The following F7 variants were observed in gnomAD, a reference collection of about 807,000 sequenced individuals.
F7 encodes FVII coagulation protein.
A neutral mutation model predicts 47.5 loss-of-function variants in F7; 38 were observed. The observed-to-expected ratio is 0.80, with a 90% CI of 0.62 to 1.05. F7 has a LOEUF of 1.05. Among genes scored for constraint, F7 ranks in the 50% least tolerant of loss-of-function variants. The pLI, the probability that F7 is intolerant of heterozygous loss-of-function variation, is 0.00. For missense variants in F7, 575 were observed against 605.4 expected (o/e 0.95, Z 0.53); for synonymous variants, 244 against 258.5 (o/e 0.94, Z 0.54).
chr13:113,119,634 C>A lies in F7; in HGVS notation c.*626C>A, dbSNP rs1205235473. 1 of 163,876 alleles carries A rather than the reference C, an allele frequency of 6.1e-6. No individual in the cohort carries two copies. The highest frequency in any genetic ancestry group is 5.9e-5 in the Admixed American group (1 of 16,978). The allele number at this position is 163,876 out of a possible 1,614,324, so 10.2% of individuals were successfully genotyped here. A position where few individuals can be genotyped will look rare whatever the true frequency, so the allele number is the denominator to read the frequency against. ...GCACGCACATGCCAATGCACGCACA[C>A]ATCAGTGCACACGGATGCACAGAGA... On this transcript the variant is annotated 3_prime_UTR_variant, in exon 8 of 8. Transcript: ENST00000346342.
intron 4 of F7, 80 bp from the exon 5 acceptor site, chr13:113,115,580 C>A: frequency 6.5e-7 from 1 of 1,528,610 alleles, no homozygotes. Context: ...CCACTGCTGA[C>A]CCAGGGCATG....
At chr13:113,107,909 A>G (rs1468719228) in intron 1 of F7, among the ~76,000 whole-genome samples, 20 of 20,932 alleles carry the variant, frequency 9.6e-4, no homozygotes, top group East Asian at 2.3e-3. Context: ...CAGAAGTGTG[A>G]GTGTCCCAGG....
intron 5 of F7, among the ~76,000 whole-genome samples, chr13:113,116,017 C>T (rs1237062786): frequency 6.6e-6 from 1 of 152,254 alleles, no homozygotes; most frequent in Non-Finnish European, 1.5e-5. Flanking sequence ...TGAATGGCCT[C>T]AGGCCCCCTG....
At chr13:113,118,024 A>G (rs905622064) in intron 7 of F7, among the ~76,000 whole-genome samples, 5 of 152,222 alleles carry the variant, frequency 3.3e-5, no homozygotes, top group Admixed American at 6.5e-5. Context: ...AGAGGATGCG[A>G]CACCCAGGGC....
chr13:113,117,912 T>C (rs1214212009), intron 7 of F7, among the ~76,000 whole-genome samples: 1 of 152,258 alleles, frequency 6.6e-6, no homozygotes, highest in Non-Finnish European at 1.5e-5. Context: ...TGGGCACGAC[T>C]GCTGTGGCCA....
At chr13:113,110,531 C>T in intron 1 of F7, 159 bp from the exon 2 acceptor site, 1 of 935,068 alleles carries the variant, frequency 1.1e-6, no homozygotes, top group Non-Finnish European at 1.6e-6. Flanking sequence ...CCCGGGAGCA[C>T]GGCAGGGAGG....
chr13:113,105,979 C>A, intron 1 of F7, 74 bp downstream of exon 1: 1 of 1,380,114 alleles, frequency 7.2e-7, no homozygotes, highest in Non-Finnish European at 9.9e-7. Context: ...GCCCGGGCTT[C>A]CCAAACCCCG....
At chr13:113,115,900 A>G in intron 5 of F7, 100 bp downstream of exon 5, 3 of 1,513,748 alleles carry the variant, frequency 2.0e-6, no homozygotes, top group Non-Finnish European at 1.8e-6. Flanking sequence ...CTTCACATCT[A>G]CTGAGCACTA....
intron 1 of F7, chr13:113,110,412 G>A (rs2036067491): frequency 1.7e-5 from 7 of 405,072 alleles, no homozygotes; most frequent in East Asian, 9.8e-5. Context: ...GGCGGCGCCC[G>A]CAGCCCCCTT....
intron 1 of F7, 99 bp from the exon 2 acceptor site, chr13:113,110,591 C>T: frequency 1.3e-6 from 2 of 1,496,018 alleles, no homozygotes; most frequent in Non-Finnish European, 1.8e-6. Context: ...CCAGGACGGG[C>T]GGGAACCTGC....
At chr13:113,117,065 A>G (rs530052669) in intron 6 of F7, 190 bp downstream of exon 6, 54 of 695,706 alleles carry the variant, frequency 7.8e-5, no homozygotes, top group Admixed American at 7.7e-4. Flanking sequence ...AGAAAAGAAA[A>G]CGACACTCAC....
At chr13:113,118,227 C>G (rs1405759391) in intron 7 of F7, among the ~76,000 whole-genome samples, 186 bp from the exon 8 acceptor site, 3 of 152,224 alleles carry the variant, frequency 2.0e-5, no homozygotes, top group African/African-American at 7.2e-5. Context: ...TCACTTGTCC[C>G]CACACGAGCC....
rs1307578482 is a variant in F7, at chr13:113,119,160, G to C, written c.*152G>C. 1.5e-6 allele frequency: 1 copy of C among 669,300 alleles called. No homozygotes were observed. Among genetic ancestry groups the C allele is most frequent in the Non-Finnish European group, 2.5e-6 (1 of 393,580 alleles). 41.5% of individuals were successfully genotyped at this position (669,300 alleles called of 1,614,324 possible). ...GGAGACAGAGACAGAAACAGAGAGA[G>C]ACAGAGACAGAGAGAGACTGAGGGA... On this transcript the variant is annotated 3_prime_UTR_variant, in exon 8 of 8. Coordinates refer to ENST00000346342, the MANE Select transcript of F7 (RefSeq NM_019616.4).
intron 1 of F7, among the ~76,000 whole-genome samples, chr13:113,110,135 C>G (rs1045267301): frequency 1.3e-5 from 2 of 152,058 alleles, no homozygotes; most frequent in Admixed American, 6.5e-5. Context: ...GGCAGAAGCC[C>G]AGGACCGCCA....
At chr13:113,112,996 A>G (rs2036132326) in intron 2 of F7, among the ~76,000 whole-genome samples, 1 of 151,328 alleles carries the variant, frequency 6.6e-6, no homozygotes, top group African/African-American at 2.4e-5. Flanking sequence ...CACACCTCAC[A>G]CAGATCATCT....
intron 1 of F7, 173 bp from the exon 2 acceptor site, chr13:113,110,517 C>A: frequency 1.2e-6 from 1 of 819,590 alleles, no homozygotes. Context: ...ACGGGGGTGG[C>A]TGACCCGGGA....
At position 113,113,392 on chromosome 13, in the gene F7, T is replaced by A. The variant is rs9604025; in HGVS notation, c.226-360T>A. Among the ~76,000 whole-genome samples the A allele has an allele frequency of 0.029, 4,361 of 152,350 alleles. 212 individuals are homozygous for A. The highest frequency in any genetic ancestry group is 0.099 in the African/African-American group (4,105 of 41,582). On this transcript the variant is annotated intron_variant, in intron 2 of 7. Transcript: ENST00000346342. This position sits in a 1 kb window ranked among gnomAD's most constrained non-coding sequence, Gnocchi z 4.1. ...TTTGCTGTTTGTGGAATATTTTGCA[T>A]CTGCTACTGCACCCTCTCCCCGTAT...
chr13:113,115,894 A>G (rs1014785039), intron 5 of F7, 94 bp downstream of exon 5: 7 of 1,541,510 alleles, frequency 4.5e-6, no homozygotes, highest in Admixed American at 3.4e-5. Context: ...GAGTGGCTTC[A>G]CATCTACTGA....
In F7 at chr13:113,117,407, G is replaced by C. The variant is rs544366771; in HGVS notation, c.616-66G>C. On this transcript the variant is annotated intron_variant, in intron 6 of 7. Transcript: ENST00000346342. Reference sequence around the variant, plus strand: ...GCCAGAGGTTCCTTGGCATGCCCGGGAGGGCGAGTCATCAGAGAAACAATG... The same window carrying C: ...GCCAGAGGTTCCTTGGCATGCCCGGCAGGGCGAGTCATCAGAGAAACAATG... The C allele has an allele frequency of 4.1e-5, 66 of 1,603,858 alleles. No homozygotes were observed. The East Asian group carries it at 9.6e-4, about 23-fold the overall frequency.
Sources: gnomAD v4.1 joint callset for allele counts (sites outside exome capture counted in the v4.1 genomes callset) on GRCh38, gnomAD v4.1.1 for gene constraint, Gnocchi (gnomAD v3.1) non-coding constraint, MANE v1.5 for transcripts, NCBI Gene and HGNC (gene_info 2026-07-23, HGNC 2026-07-21) for gene names.